SLC25A12: variants seen among roughly 807,000 people sequenced by gnomAD.
SLC25A12 encodes the protein electrogenic aspartate/glutamate antiporter SLC25A12, mitochondrial.
A neutral mutation model predicts 83.3 loss-of-function variants in SLC25A12; 32 were observed. The observed-to-expected ratio is 0.38, with a 90% CI of 0.29 to 0.52. The LOEUF is 0.52. SLC25A12 is among the 20% of genes least tolerant of loss of function. SLC25A12 has a pLI of 0.84. For missense variants in SLC25A12, 611 were observed against 835.6 expected (o/e 0.73, Z 3.31); for synonymous variants, 267 against 291.1 (o/e 0.92, Z 0.84).
At chr2:171,833,175 A>G (rs1477551907) in intron 8 of SLC25A12, among the ~76,000 whole-genome samples, 1 of 152,154 alleles carries the variant, frequency 6.6e-6, no homozygotes, top group Non-Finnish European at 1.5e-5. Context: ...CTGGCCATCA[A>G]GAAGTCACCC....
chr2:171,821,495 C>T (rs1684191164), intron 9 of SLC25A12, among the ~76,000 whole-genome samples: 1 of 152,170 alleles, frequency 6.6e-6, no homozygotes, highest in Admixed American at 6.5e-5. Context: ...TTGAACAACA[C>T]TTGCCATTGT....
At chr2:171,865,696 A>AT (rs550572727) in intron 3 of SLC25A12, among the ~76,000 whole-genome samples, 1 of 151,496 alleles carries the variant, frequency 6.6e-6, no homozygotes, top group Non-Finnish European at 1.5e-5. Flanking sequence ...TATATAAAAT[A>AT]TTTTTTTAAT....
At chr2:171,787,451 G>C (rs1690510038) in intron 17 of SLC25A12, 120 bp downstream of exon 17, 2 of 838,262 alleles carry the variant, frequency 2.4e-6, no homozygotes, top group South Asian at 1.3e-5. Context: ...TAAATGCATT[G>C]GTCTTAAAGG....
At chr2:171,888,004 CCTT>C (rs770295216) in intron 2 of SLC25A12, among the ~76,000 whole-genome samples, 1 of 151,938 alleles carries the variant, frequency 6.6e-6, no homozygotes, top group East Asian at 1.9e-4. Flanking sequence ...CTTATAAAGC[CCTT>C]CTTATGAACT....
intron 2 of SLC25A12, among the ~76,000 whole-genome samples, chr2:171,875,842 G>A (rs1019734624): frequency 6.7e-6 from 1 of 149,414 alleles, no homozygotes; most frequent in Non-Finnish European, 1.5e-5. Context: ...TAACCCGGGC[G>A]GCGGAGCTTG....
chr2:171,866,478 C>T (rs1389101924), intron 3 of SLC25A12, among the ~76,000 whole-genome samples: 4 of 148,246 alleles, frequency 2.7e-5, no homozygotes, highest in African/African-American at 9.9e-5. Flanking sequence ...CCCCACCTCC[C>T]TCCCGGACGG....
chr2:171,799,965 T>C (rs1400833356), intron 13 of SLC25A12, among the ~76,000 whole-genome samples: 4 of 152,212 alleles, frequency 2.6e-5, no homozygotes, highest in Non-Finnish European at 5.9e-5. Context: ...CACTAATCTC[T>C]GATTCGAGTT....
intron 2 of SLC25A12, among the ~76,000 whole-genome samples, chr2:171,880,976 C>G (rs939515518): frequency 1.3e-5 from 2 of 152,184 alleles, no homozygotes; most frequent in Admixed American, 1.3e-4. Context: ...GTTTCCTCAT[C>G]TGTAAAATGG....
chr2:171,825,820 C>T (rs1466562165), intron 9 of SLC25A12, among the ~76,000 whole-genome samples: 2 of 152,170 alleles, frequency 1.3e-5, no homozygotes, highest in Admixed American at 1.3e-4. Flanking sequence ...CAACTTAAAA[C>T]GAGATTTATT....
chr2:171,848,519 A>G (rs1003854141), intron 4 of SLC25A12, among the ~76,000 whole-genome samples: 36 of 152,348 alleles, frequency 2.4e-4, no homozygotes, highest in African/African-American at 8.4e-4. Flanking sequence ...ATCCTTGTAC[A>G]TAGCTGAACA....
intron 13 of SLC25A12, among the ~76,000 whole-genome samples, chr2:171,803,810 T>C (rs146844836): frequency 1.3e-5 from 2 of 148,514 alleles, no homozygotes; most frequent in African/African-American, 2.5e-5. Flanking sequence ...TTTAAAAAAA[T>C]ACACACACAC....
intron 2 of SLC25A12, among the ~76,000 whole-genome samples, chr2:171,869,122 G>A (rs1217597945): frequency 6.6e-6 from 1 of 152,142 alleles, no homozygotes; most frequent in African/African-American, 2.4e-5. Context: ...GTCCACAATA[G>A]GCAAGACCAT....
At chr2:171,853,916 T>C (rs1427913439) in intron 4 of SLC25A12, among the ~76,000 whole-genome samples, 2 of 152,148 alleles carry the variant, frequency 1.3e-5, no homozygotes, top group East Asian at 1.9e-4. Flanking sequence ...CAAAGAACCA[T>C]GATATCAAGG....
At chr2:171,892,802 A>T (rs1685971518) in intron 2 of SLC25A12, among the ~76,000 whole-genome samples, 1 of 152,224 alleles carries the variant, frequency 6.6e-6, no homozygotes, top group African/African-American at 2.4e-5. Context: ...TCTCTGTAAC[A>T]AATTACATGG....
At chr2:171,788,354 T>A (rs1297158698) in intron 15 of SLC25A12, 2 of 219,012 alleles carry the variant, frequency 9.1e-6, no homozygotes, top group Non-Finnish European at 1.8e-5. Flanking sequence ...AGTCACTAAA[T>A]GTATCTGACA....
chr2:171,860,408 G>A (rs1447663773), intron 3 of SLC25A12, among the ~76,000 whole-genome samples: 1 of 151,984 alleles, frequency 6.6e-6, no homozygotes, highest in Non-Finnish European at 1.5e-5. Flanking sequence ...AGACCAGCCT[G>A]GCCAACATGG....
chr2:171,872,922 C>T (rs1454391752), intron 2 of SLC25A12, among the ~76,000 whole-genome samples: 3 of 151,600 alleles, frequency 2.0e-5, no homozygotes, highest in Admixed American at 6.6e-5. Context: ...ATAAAGAGAG[C>T]GTATACTAAT....
chr2:171,805,112 T>C (rs1683796811), intron 13 of SLC25A12, among the ~76,000 whole-genome samples: 1 of 69,326 alleles, frequency 1.4e-5, no homozygotes, highest in East Asian at 6.3e-4. Context: ...GTTTTGTTTT[T>C]TGTTTTTTTT....
intron 2 of SLC25A12, among the ~76,000 whole-genome samples, chr2:171,884,773 C>A (rs1489700824): frequency 6.6e-6 from 1 of 151,168 alleles, no homozygotes; most frequent in Admixed American, 6.6e-5. Flanking sequence ...AAAACTCTGT[C>A]CCCCACCAAA....
Sources: allele counts gnomAD v4.1 joint callset (sites outside exome capture counted in the v4.1 genomes callset), GRCh38; gene constraint gnomAD v4.1.1; transcripts MANE v1.5; gene names NCBI Gene and HGNC (gene_info 2026-07-23, HGNC 2026-07-21).